Variants in DAB1 observed in about 807,000 individuals in gnomAD.
DAB1 encodes the protein disabled homolog 1.
In DAB1, 15 loss-of-function variants were observed where a neutral mutation model predicts 64.6. The ratio of observed to expected loss-of-function variants is 0.23; its 90% CI spans 0.16 to 0.36. The LOEUF (loss-of-function observed/expected upper bound fraction) is 0.36, where lower values mean the gene tolerates loss of function less well. Ranked by LOEUF, DAB1 falls within the 10% of genes least tolerant of loss-of-function variation. DAB1 has a pLI of 1.00. For synonymous variants in DAB1, 235 were observed against 251.9 expected (o/e 0.93, Z 0.64); for missense variants, 596 against 706.7 (o/e 0.84, Z 1.78).
chr1:57,022,113 C>T (rs1646641895), intron 11 of DAB1, among the ~76,000 whole-genome samples: 1 of 152,124 alleles, frequency 6.6e-6, no homozygotes, highest in African/African-American at 2.4e-5. Context: ...ATCCCAAGCA[C>T]CTACACAGGA....
rs546806320 is a variant in DAB1, at chr1:57,635,278, C to A, written n.625+14314G>T. Among the ~76,000 whole-genome samples the A allele has an allele frequency of 5.3e-5, 8 of 152,190 alleles. No homozygotes were observed. In the South Asian group the frequency reaches 1.7e-3, roughly 32 times the overall value. The stretch of plus-strand genomic sequence containing the variant: ...TACTCTAATCCAGGGGTCCCCAAAC[C>A]CCGGGCCATGGACTGGTACCAGTTC... On this transcript the variant is annotated intron_variant and non_coding_transcript_variant, in intron 7 of 20. Transcript: ENST00000485760.
At chr1:57,798,574 A>G (rs1200670348) in intron 6 of DAB1, among the ~76,000 whole-genome samples, 1 of 152,224 alleles carries the variant, frequency 6.6e-6, no homozygotes, top group Non-Finnish European at 1.5e-5. Flanking sequence ...GTCATGGAAT[A>G]TTACATTCAT....
At position 57,721,877 on chromosome 1, in the gene DAB1, C is replaced by T. The variant is rs539282473; in HGVS notation, n.552-72212G>A. The stretch of plus-strand genomic sequence containing the variant: ...GCAGTAGACTGTTAAGATCTGAACT[C>T]CTATGTTATTGCCATTATGATTCCC... On this transcript the variant is annotated intron_variant and non_coding_transcript_variant, in intron 6 of 20. Coordinates refer to the DAB1 transcript ENST00000485760. Among the ~76,000 whole-genome samples, 12 of 152,270 alleles carry T rather than the reference C, an allele frequency of 7.9e-5. No homozygotes were observed. The South Asian group carries it at 1.9e-3, about 24-fold the overall frequency.
chr1:58,372,084 C>A (rs1008965170), intron 3 of DAB1, among the ~76,000 whole-genome samples: 11 of 152,170 alleles, frequency 7.2e-5, no homozygotes, highest in Admixed American at 5.2e-4. Context: ...TCTCTGCACC[C>A]CAAAATGGTA....
intron 1 of DAB1, among the ~76,000 whole-genome samples, chr1:57,325,371 G>T (rs1349707485): frequency 2.6e-5 from 4 of 152,180 alleles, no homozygotes; most frequent in African/African-American, 9.7e-5. Context: ...CAGGGTGGGG[G>T]TCAAAACTCA....
At chr1:57,758,219 T>A (rs56191066) in intron 6 of DAB1, among the ~76,000 whole-genome samples, 2 of 152,298 alleles carry the variant, frequency 1.3e-5, no homozygotes, top group Middle Eastern at 3.4e-3. Flanking sequence ...TTTTAATACA[T>A]CTCATTTAAC....
In DAB1 at chr1:57,491,954, A is replaced by G. The variant is rs1644170891; in HGVS notation, n.625+157638T>C. On this transcript the variant is annotated intron_variant and non_coding_transcript_variant, in intron 7 of 20. Coordinates refer to the DAB1 transcript ENST00000485760. ...TAGTCTAGGAAGGGGCATCAGGGACAGCAAAGGCTCAGAGGCTAAAATGTG... is the reference window on the plus strand; with the variant it reads ...TAGTCTAGGAAGGGGCATCAGGGACGGCAAAGGCTCAGAGGCTAAAATGTG... Among the ~76,000 whole-genome samples, 6 of 152,370 alleles carry G rather than the reference A, an allele frequency of 3.9e-5. 1 individual carries two copies. The South Asian group carries it at 1.2e-3, about 32-fold the overall frequency.
chr1:57,251,393 G>A (rs576689636), intron 2 of DAB1, among the ~76,000 whole-genome samples: 15 of 152,282 alleles, frequency 9.9e-5, no homozygotes, highest in Admixed American at 2.0e-4. Context: ...TTTTGGTGAG[G>A]ATGTACACCG....
chr1:57,239,426 T>G (rs186607410), intron 2 of DAB1, among the ~76,000 whole-genome samples: 1 of 152,236 alleles, frequency 6.6e-6, no homozygotes, highest in South Asian at 2.1e-4. Context: ...TCTTGTTCAC[T>G]GCAGTATCTC....
At chr1:57,445,255 A>G (rs1329566735) in intron 7 of DAB1, among the ~76,000 whole-genome samples, 1 of 152,188 alleles carries the variant, frequency 6.6e-6, no homozygotes, top group Non-Finnish European at 1.5e-5. Flanking sequence ...GGTATATAAT[A>G]TTTTTAGAGC....
chr1:57,936,443 G>A (rs1268525135), intron 5 of DAB1, among the ~76,000 whole-genome samples: 1 of 152,222 alleles, frequency 6.6e-6, no homozygotes, highest in Non-Finnish European at 1.5e-5. Context: ...CCAGGCTGGA[G>A]TGCAGTGGCA....
At chr1:58,276,313 T>C (rs1661441899) in intron 4 of DAB1, among the ~76,000 whole-genome samples, 1 of 152,220 alleles carries the variant, frequency 6.6e-6, no homozygotes, top group Admixed American at 6.5e-5. Flanking sequence ...GTTATGTGTA[T>C]TTTATCATCA....
At chr1:57,591,444 C>A (rs547612110) in intron 7 of DAB1, among the ~76,000 whole-genome samples, 55 of 152,310 alleles carry the variant, frequency 3.6e-4, no homozygotes, top group African/African-American at 1.3e-3. Flanking sequence ...ATAAAGGCAG[C>A]ACTAAGGTGT....
At chr1:57,586,477 TTCTC>T (rs10597532) in intron 7 of DAB1, among the ~76,000 whole-genome samples, 9 of 148,518 alleles carry the variant, frequency 6.1e-5, no homozygotes, top group South Asian at 2.1e-4. Flanking sequence ...TTTCTTTCTC[TTCTC>T]TCTCTCTCTC....
chr1:57,095,046 A>G (rs1654031520), intron 4 of DAB1, among the ~76,000 whole-genome samples: 1 of 152,076 alleles, frequency 6.6e-6, no homozygotes, highest in Admixed American at 6.6e-5. Flanking sequence ...ACTGCTTCTC[A>G]AGACTGACCT....
intron 1 of DAB1, among the ~76,000 whole-genome samples, chr1:57,414,510 T>G (rs564880130): frequency 6.6e-6 from 1 of 152,244 alleles, no homozygotes; most frequent in East Asian, 1.9e-4. Context: ...ATAACTTTTA[T>G]ATACACTGGA....
chr1:58,430,555 A>G (rs537791634), intron 3 of DAB1, among the ~76,000 whole-genome samples: 1 of 151,964 alleles, frequency 6.6e-6, no homozygotes, highest in African/African-American at 2.4e-5. Context: ...GCTCTGGGAA[A>G]CCCTCTTCTC....
chr1:58,091,967 CAA>C (rs1491142282), intron 5 of DAB1, among the ~76,000 whole-genome samples: 3 of 150,888 alleles, frequency 2.0e-5, no homozygotes, highest in Admixed American at 6.6e-5. Context: ...CACACACACA[CAA>C]ACTAACATAG....
chr1:57,203,216 G>A (rs1325611447), intron 2 of DAB1, among the ~76,000 whole-genome samples: 2 of 152,118 alleles, frequency 1.3e-5, no homozygotes, highest in Non-Finnish European at 2.9e-5. Context: ...CAATCTAACA[G>A]AAAGATCCCT....
Sources: gnomAD v4.1 joint callset for allele counts (sites outside exome capture counted in the v4.1 genomes callset) on GRCh38, gnomAD v4.1.1 for gene constraint, MANE v1.5 for transcripts, NCBI Gene and HGNC (gene_info 2026-07-23, HGNC 2026-07-21) for gene names.